The following LRRC9 variants were observed in gnomAD, a reference collection of about 807,000 sequenced individuals.
The protein encoded by LRRC9 is leucine-rich repeat-containing protein 9.
In LRRC9, 122 loss-of-function variants were observed where a neutral mutation model predicts 63.2. The ratio of observed to expected loss-of-function variants is 1.93; its 90% CI spans 1.67 to 2.24. LRRC9 has a LOEUF of 2.24. LRRC9 is among the 30% of genes most tolerant of loss of function. LRRC9 has a pLI of 0.00. For missense variants in LRRC9, 1,071 were observed against 627.7 expected (o/e 1.71, Z -7.55); for synonymous variants, 366 against 213.1 (o/e 1.72, Z -6.25).
intron 26 of LRRC9, among the ~76,000 whole-genome samples, chr14:60,019,551 C>T (rs914752558): frequency 6.6e-6 from 1 of 151,794 alleles, no homozygotes; most frequent in Non-Finnish European, 1.5e-5. Context: ...TGTTTAATGA[C>T]CTTGGGTTTC....
chr14:60,046,545 C>T (rs998735397), intron 29 of LRRC9, among the ~76,000 whole-genome samples: 20 of 152,072 alleles, frequency 1.3e-4, no homozygotes, highest in African/African-American at 4.6e-4. Flanking sequence ...TTCCCCATTG[C>T]TTGTTTTTGT....
rs928154795 is a variant in LRRC9 at position 59,986,113 on chromosome 14, T to C, written c.2211+889T>C. On this transcript the variant is annotated intron_variant, in intron 17 of 31. Transcript: ENST00000445360. This position sits in a 1 kb window ranked among gnomAD's most constrained non-coding sequence, Gnocchi z 4.7. Reference sequence around the variant, plus strand: ...TCCTTTGACCTGAATATCACATGCATAGATCTTGTTGAATTTGTGTTTGCC... The same window carrying C: ...TCCTTTGACCTGAATATCACATGCACAGATCTTGTTGAATTTGTGTTTGCC... Among the ~76,000 whole-genome samples the C allele has an allele frequency of 6.6e-6, 1 of 152,202 alleles. No individual in the cohort carries two copies. Among genetic ancestry groups the C allele is most frequent in the African/African-American group, 2.4e-5 (1 of 41,464 alleles).
intron 17 of LRRC9, among the ~76,000 whole-genome samples, chr14:59,989,510 C>T (rs1479897817): frequency 6.6e-6 from 1 of 152,040 alleles, no homozygotes; most frequent in Non-Finnish European, 1.5e-5. Flanking sequence ...TTTCACTCCA[C>T]GTTTTAAAAC....
Position 60,063,306 on chromosome 14 carries a change from A to T in LRRC9, c.4277-17A>T. 1.4e-6 allele frequency: 1 copy of T among 700,288 alleles called. No individual in the cohort carries two copies. Among genetic ancestry groups the T allele is most frequent in the Non-Finnish European group, 2.6e-6 (1 of 384,246 alleles). 43.4% of individuals were successfully genotyped at this position (700,288 alleles called of 1,614,324 possible). A position where few individuals can be genotyped will look rare whatever the true frequency, so the allele number is the denominator to read the frequency against. On this transcript the variant is annotated splice_polypyrimidine_tract_variant and intron_variant, in intron 31 of 31. Transcript: ENST00000445360. The stretch of plus-strand genomic sequence containing the variant: ...TAAGTCACCACTATTTGACTAATTA[A>T]ATCTTATTTCTTACAGAATTTTTGG...
rs1036569483 is a variant in LRRC9, at chr14:59,958,645, G to A, written c.883-1173G>A. On this transcript the variant is annotated intron_variant, in intron 8 of 31. Coordinates refer to ENST00000445360, the Ensembl canonical transcript of LRRC9. This position sits in a 1 kb window ranked among gnomAD's most constrained non-coding sequence, Gnocchi z 4.0. The stretch of plus-strand genomic sequence containing the variant: ...GCAGGGGAGTGAAAGGTTCTCTCTC[G>A]CTGGGGTTCCAGGTTACCCTGCGGT... Among the ~76,000 whole-genome samples, 9 of 152,180 alleles carry A rather than the reference G, an allele frequency of 5.9e-5. No homozygotes were observed. In the South Asian group the frequency reaches 1.0e-3, roughly 18 times the overall value.
rs1889758361 is a variant in LRRC9, at chr14:59,932,092, A to C, written c.543+53A>C. On this transcript the variant is annotated intron_variant, in intron 6 of 31. Transcript: ENST00000445360. The surrounding 1 kb of genome is among the most constrained non-coding windows in gnomAD (Gnocchi z 4.7). The stretch of plus-strand genomic sequence containing the variant: ...TATTTATCATCCTGAATCATGAACC[A>C]TTGTGTTGCAGAAACTGTACTAAAA... The C allele has an allele frequency of 1.5e-5, 10 of 680,734 alleles. No homozygotes were observed. The East Asian group carries it at 2.7e-4, about 19-fold the overall frequency. 42.2% of individuals were successfully genotyped at this position (680,734 alleles called of 1,614,324 possible).
rs144336587 is a variant in LRRC9, at chr14:60,057,014, G to A, written c.4132-864G>A. ...AAACTCCCATAAAGGAATTCGTTAG[G>A]GAATTTAGGACTGAGCAGCTTTAGT... On this transcript the variant is annotated intron_variant, in intron 30 of 31. Transcript: ENST00000445360. Among the ~76,000 whole-genome samples the A allele has an allele frequency of 4.0e-3, 611 of 152,202 alleles. 6 individuals carry two copies. Among genetic ancestry groups the A allele is most frequent in the African/African-American group, 0.014 (577 of 41,540 alleles).
Position 60,017,666 on chromosome 14 carries a change from G to A in LRRC9, c.3318-705G>A, listed in dbSNP as rs1002538847. Among the ~76,000 whole-genome samples the A allele has an allele frequency of 2.0e-5, 3 of 152,012 alleles. No individual in the cohort carries two copies. Among genetic ancestry groups the A allele is most frequent in the African/African-American group, 7.2e-5 (3 of 41,412 alleles). On this transcript the variant is annotated intron_variant, in intron 24 of 31. Transcript: ENST00000445360. This position sits in a 1 kb window ranked among gnomAD's most constrained non-coding sequence, Gnocchi z 4.0. ...TAGGAAATACTAATGGAAATATGTT[G>A]ACTGAATGAATGACTTATTAGTGGG...
intron 13 of LRRC9, among the ~76,000 whole-genome samples, chr14:59,976,353 A>G (rs545309547): frequency 6.6e-6 from 1 of 152,354 alleles, no homozygotes; most frequent in Admixed American, 6.5e-5. Context: ...CTGGTGCCAA[A>G]AAGGTTGGAG....
At chr14:59,984,437 TAC>T (rs1887247844) in intron 16 of LRRC9, among the ~76,000 whole-genome samples, 2 of 152,206 alleles carry the variant, frequency 1.3e-5, no homozygotes. Context: ...TATACATAAA[TAC>T]AGTCTTTACT....
chr14:59,942,644 C>T lies in LRRC9; in HGVS notation c.727-1945C>T, dbSNP rs1172521958. On this transcript the variant is annotated intron_variant, in intron 7 of 31. Transcript: ENST00000445360. This position sits in a 1 kb window ranked among gnomAD's most constrained non-coding sequence, Gnocchi z 5.3. ...TCAGGAGGCTGAGGCAGGAGAATCA[C>T]TTGAACCCAGAAGGCAGAAGTTGCG... Among the ~76,000 whole-genome samples, 4 of 152,172 alleles carry T rather than the reference C, an allele frequency of 2.6e-5. No homozygotes were observed. The highest frequency in any genetic ancestry group is 4.4e-5 in the Non-Finnish European group (3 of 68,024).
At chr14:59,988,475 C>T (rs1268845894) in intron 17 of LRRC9, among the ~76,000 whole-genome samples, 1 of 152,106 alleles carries the variant, frequency 6.6e-6, no homozygotes, top group Non-Finnish European at 1.5e-5. Flanking sequence ...ATACTTTTCT[C>T]ATACCAAGAA....
Position 59,932,618 on chromosome 14 carries a change from C to T in LRRC9, c.543+579C>T, listed in dbSNP as rs1010084928. 2.6e-5 allele frequency among the ~76,000 whole-genome samples: 4 copies of T among 152,076 alleles called. No homozygotes were observed. Among genetic ancestry groups the T allele is most frequent in the Non-Finnish European group, 4.4e-5 (3 of 67,988 alleles). The stretch of plus-strand genomic sequence containing the variant: ...ATCCTTACAGTCATTTGTGACTCTT[C>T]TTATTCCTTCATACCCTCATCCAAT... On this transcript the variant is annotated intron_variant, in intron 6 of 31. Transcript: ENST00000445360. This position sits in a 1 kb window ranked among gnomAD's most constrained non-coding sequence, Gnocchi z 4.7.
At chr14:60,022,254 G>A (rs1891174145) in intron 26 of LRRC9, among the ~76,000 whole-genome samples, 1 of 151,368 alleles carries the variant, frequency 6.6e-6, no homozygotes, top group Admixed American at 6.6e-5. Context: ...TTTATACTTT[G>A]TGAAAAGAAT....
At chr14:59,982,024 T>G (rs1886983424) in exon 16 of LRRC9, 1 of 702,212 alleles carries the variant, frequency 1.4e-6, no homozygotes, top group Admixed American at 2.0e-5. Flanking sequence ...AAACAATACT[T>G]TCCCTTGCAA....
chr14:59,934,185 A>G (rs919534929), intron 6 of LRRC9, among the ~76,000 whole-genome samples: 3 of 152,170 alleles, frequency 2.0e-5, no homozygotes, highest in African/African-American at 4.8e-5. Context: ...CGAGGAAGAA[A>G]TAGATGCAAG....
intron 23 of LRRC9, among the ~76,000 whole-genome samples, chr14:60,015,430 C>G (rs964196849): frequency 2.6e-5 from 4 of 152,104 alleles, no homozygotes; most frequent in African/African-American, 9.7e-5. Flanking sequence ...TGGCACTATA[C>G]CAGTGAGAAG....
rs756255757 is a variant in LRRC9, at chr14:59,981,840, T to C, written c.1879-8T>C. On this transcript the variant is annotated splice_region_variant and splice_polypyrimidine_tract_variant and intron_variant, in intron 15 of 31. Transcript: ENST00000445360. The stretch of plus-strand genomic sequence containing the variant: ...CTGATTTTGCAATGTTTTTAATACA[T>C]TTTTTAGGTCAAGGCACCCTCTTTA... 1.2e-5 allele frequency: 8 copies of C among 681,032 alleles called. No homozygotes were observed. The highest frequency in any genetic ancestry group is 2.1e-5 in the Non-Finnish European group (8 of 378,888). 42.2% of individuals were successfully genotyped at this position (681,032 alleles called of 1,614,324 possible).
chr14:60,003,639 G>A lies in LRRC9; in HGVS notation c.2683G>A (p.Asp895Asn), dbSNP rs1889570987. ...TCTACAGATAACTGCCTTAAATTTA[G>A]ATGGACAACATCTTTTTGAAATCAC... Residue 895 changes from aspartate to asparagine, a missense_variant, in exon 21 of 32, where the codon GAT becomes AAT. Coordinates refer to ENST00000445360, the Ensembl canonical transcript of LRRC9. This position sits in a 1 kb window ranked among gnomAD's most constrained non-coding sequence, Gnocchi z 4.2. 4.4e-6 allele frequency: 3 copies of A among 680,378 alleles called. No homozygotes were observed. Among genetic ancestry groups the A allele is most frequent in the Non-Finnish European group, 7.9e-6 (3 of 377,926 alleles). The allele number at this position is 680,378 out of a possible 1,614,324, so 42.1% of individuals were successfully genotyped here.
Sources: allele counts gnomAD v4.1 joint callset (sites outside exome capture counted in the v4.1 genomes callset), GRCh38; gene constraint gnomAD v4.1.1; non-coding constraint Gnocchi (gnomAD v3.1); transcripts MANE v1.5; gene names NCBI Gene and HGNC (gene_info 2026-07-23, HGNC 2026-07-21).